The following MRLN variants were observed in gnomAD, a reference collection of about 807,000 sequenced individuals.
MRLN encodes Linc-RNA activator of myogenesis.
intron 1 of MRLN, chr10:59,739,724 T>A (rs776830079): frequency 6.6e-6 from 1 of 152,216 alleles, no homozygotes; most frequent in Non-Finnish European, 1.5e-5. Flanking sequence ...CTGATTGCTG[T>A]CTCCTTTAAC....
At chr10:59,742,687 TC>T (rs1840996527) in intron 1 of MRLN, among the ~76,000 whole-genome samples, 1 of 151,366 alleles carries the variant, frequency 6.6e-6, no homozygotes, top group Non-Finnish European at 1.5e-5. Context: ...TTCCCTTCCT[TC>T]CCTTTCTTTT....
chr10:59,753,234 T>A (rs1439348844), intron 1 of MRLN, 120 bp downstream of exon 1: 1 of 152,184 alleles, frequency 6.6e-6, no homozygotes, highest in Non-Finnish European at 1.5e-5. Context: ...TAGCCTACTA[T>A]GTTCTCCCTC....
chr10:59,737,041 T>C lies in MRLN; in HGVS notation c.*19A>G, dbSNP rs960119261. 5.1e-6 allele frequency: 2 copies of C among 394,266 alleles called. No homozygotes were observed. Among genetic ancestry groups the C allele is most frequent in the Non-Finnish European group, 9.0e-6 (2 of 223,038 alleles). The allele number at this position is 394,266 out of a possible 1,614,324, so 24.4% of individuals were successfully genotyped here. A position where few individuals can be genotyped will look rare whatever the true frequency, so the allele number is the denominator to read the frequency against. ...ACTGTAATTCAGTTTGAAATGTACATGGAAAGGAAGTCAGCTTTCTAAGAA... is the reference window on the plus strand; with the variant it reads ...ACTGTAATTCAGTTTGAAATGTACACGGAAAGGAAGTCAGCTTTCTAAGAA... On this transcript the variant is annotated 3_prime_UTR_variant, in exon 3 of 3. Transcript: ENST00000414264.
At chr10:59,741,437 C>T (rs1237506063) in intron 1 of MRLN, among the ~76,000 whole-genome samples, 1 of 152,072 alleles carries the variant, frequency 6.6e-6, no homozygotes, top group African/African-American at 2.4e-5. Flanking sequence ...GGCTGGAGTG[C>T]AGTGGCACAA....
In MRLN at chr10:59,744,269, C is replaced by T. The variant is rs535588438; in HGVS notation, c.-124-5707G>A. 1,084 of 158,112 alleles carry T rather than the reference C, an allele frequency of 6.9e-3. 12 individuals are homozygous for T. Among genetic ancestry groups the T allele is most frequent in the African/African-American group, 0.025 (1,041 of 41,540 alleles). The allele number at this position is 158,112 out of a possible 1,614,324, so 9.8% of individuals were successfully genotyped here. ...TCTAGGATGTGGGGAGCGCCTCTGC[C>T]CCACCGTCCCGTCTGAGATGTGAAG... On this transcript the variant is annotated intron_variant, in intron 1 of 2. Transcript: ENST00000414264.
At chr10:59,752,210 G>A (rs976757716) in intron 1 of MRLN, among the ~76,000 whole-genome samples, 20 of 152,042 alleles carry the variant, frequency 1.3e-4, no homozygotes, top group South Asian at 4.1e-4. Context: ...GTCAGATATC[G>A]CCTCTACAGT....
chr10:59,747,420 C>T (rs1841053793), intron 1 of MRLN, among the ~76,000 whole-genome samples: 1 of 152,100 alleles, frequency 6.6e-6, no homozygotes, highest in Admixed American at 6.6e-5. Flanking sequence ...TTAGGGTAGC[C>T]TGATAATTCA....
chr10:59,742,922 G>A (rs1564725807), intron 1 of MRLN, among the ~76,000 whole-genome samples: 1 of 152,018 alleles, frequency 6.6e-6, no homozygotes, highest in East Asian at 1.9e-4. Context: ...TAGAGACAGG[G>A]TCTCACTATA....
At chr10:59,739,911 G>A (rs1840963770) in intron 1 of MRLN, among the ~76,000 whole-genome samples, 1 of 152,038 alleles carries the variant, frequency 6.6e-6, no homozygotes, top group Non-Finnish European at 1.5e-5. Flanking sequence ...GGCCAAGATG[G>A]TGACACCCTG....
intron 1 of MRLN, chr10:59,744,944 C>G (rs966798841): frequency 5.5e-6 from 1 of 183,256 alleles, no homozygotes; most frequent in Non-Finnish European, 1.1e-5. Flanking sequence ...ACTCCCTAAT[C>G]TCAAATACCC....
chr10:59,747,154 A>G (rs951319345), intron 1 of MRLN, among the ~76,000 whole-genome samples: 1 of 152,026 alleles, frequency 6.6e-6, no homozygotes, highest in Admixed American at 6.6e-5. Flanking sequence ...TATTTTATTC[A>G]TATTTATTGT....
At chr10:59,741,728 G>A (rs1005279839) in intron 1 of MRLN, among the ~76,000 whole-genome samples, 1 of 152,176 alleles carries the variant, frequency 6.6e-6, no homozygotes, top group Non-Finnish European at 1.5e-5. Context: ...TACCCAGGCT[G>A]GAATGTAGTG....
At chr10:59,747,927 C>T (rs1841058805) in intron 1 of MRLN, among the ~76,000 whole-genome samples, 1 of 152,200 alleles carries the variant, frequency 6.6e-6, no homozygotes, top group South Asian at 2.1e-4. Flanking sequence ...GTCTACTTCT[C>T]CCGGCAAATA....
intron 1 of MRLN, among the ~76,000 whole-genome samples, chr10:59,743,316 T>C (rs530009210): frequency 6.6e-6 from 1 of 152,158 alleles, no homozygotes; most frequent in African/African-American, 2.4e-5. Context: ...TTACTGTTAG[T>C]CTTCCTCCCT....
chr10:59,737,845 A>G (rs1157389969), intron 2 of MRLN, among the ~76,000 whole-genome samples: 1 of 152,140 alleles, frequency 6.6e-6, no homozygotes, highest in African/African-American at 2.4e-5. Flanking sequence ...TAGGCAGGAC[A>G]TTTAGAAGCA....
At chr10:59,743,583 T>TA (rs1841006771) in intron 1 of MRLN, among the ~76,000 whole-genome samples, 2 of 152,192 alleles carry the variant, frequency 1.3e-5, no homozygotes, top group African/African-American at 4.8e-5. Flanking sequence ...ACAAGTTTCC[T>TA]AACACACCCA....
chr10:59,749,845 G>C (rs1172364488), intron 1 of MRLN, among the ~76,000 whole-genome samples: 1 of 152,016 alleles, frequency 6.6e-6, no homozygotes, highest in Non-Finnish European at 1.5e-5. Flanking sequence ...AGTTAGATGA[G>C]AGGAAACAAA....
At chr10:59,744,651 G>T (rs957629115) in intron 1 of MRLN, among the ~76,000 whole-genome samples, 1 of 152,208 alleles carries the variant, frequency 6.6e-6, no homozygotes. Context: ...TGAAGATGGC[G>T]GTTTTGTCGA....
intron 1 of MRLN, among the ~76,000 whole-genome samples, chr10:59,749,364 G>C (rs10993992): frequency 0.19 from 29,662 of 152,184 alleles, 3,467 homozygotes; most frequent in Middle Eastern, 0.31. Flanking sequence ...AATGCCCACG[G>C]CCTTAGCCAC....
Sources: gnomAD v4.1 joint callset for allele counts (sites outside exome capture counted in the v4.1 genomes callset) on GRCh38, gnomAD v4.1.1 for gene constraint, MANE v1.5 for transcripts, NCBI Gene and HGNC (gene_info 2026-07-23, HGNC 2026-07-21) for gene names.